F13A1: variants seen among roughly 807,000 people sequenced by gnomAD.
The protein encoded by F13A1 is coagulation factor XIII A chain, also known as FSF, A subunit.
In F13A1, 47 loss-of-function variants were observed where a neutral mutation model predicts 80.1. That is an observed-to-expected ratio of 0.59 (90% CI 0.46 to 0.75). The LOEUF is 0.75. Ranked by LOEUF, F13A1 falls within the 30% of genes least tolerant of loss-of-function variation. The probability of loss-of-function intolerance (pLI) is 0.00; values close to 1 mark genes in which losing one functional copy is unlikely to be tolerated. For synonymous variants in F13A1, 349 were observed against 344.9 expected (o/e 1.01, Z -0.13); for missense variants, 817 against 930.4 (o/e 0.88, Z 1.59).
intron 4 of F13A1, among the ~76,000 whole-genome samples, chr6:6,256,385 A>C (rs1194874116): frequency 6.6e-6 from 1 of 152,158 alleles, no homozygotes. Flanking sequence ...GACAACCACC[A>C]TTACGATAAA....
intron 10 of F13A1, among the ~76,000 whole-genome samples, chr6:6,190,887 G>A (rs113429773): frequency 0.18 from 26,904 of 151,278 alleles, 2,467 homozygotes; most frequent in Non-Finnish European, 0.19. Flanking sequence ...CTCCGTGGGC[G>A]TAGGACCCTC....
In F13A1 at chr6:6,266,701, A is replaced by G; in HGVS notation, c.428T>C (p.Val143Ala). The G allele has an allele frequency of 6.2e-7, 1 of 1,614,204 alleles. No homozygotes were observed. The highest frequency in any genetic ancestry group is 8.5e-7 in the Non-Finnish European group (1 of 1,180,032). The change falls in exon 4 of 15, where the codon GTG becomes GCG. Residue 143 changes from valine to alanine, a missense_variant. Transcript: ENST00000264870. ...AKIVMREDRS[V>A]RLSIQSSPKC... The stretch of plus-strand genomic sequence containing the variant: ...GGGGGAAGACTGGATGGACAGCCGC[A>G]CAGACCTGTCCTCTCTCATGACAAT...
At chr6:6,225,844 T>G (rs985844632) in intron 6 of F13A1, among the ~76,000 whole-genome samples, 2 of 152,208 alleles carry the variant, frequency 1.3e-5, no homozygotes, top group African/African-American at 4.8e-5. Flanking sequence ...TTAAGTATTC[T>G]TTCTTATGAT....
In F13A1 at chr6:6,224,425, A is replaced by G. The variant is rs149762533; in HGVS notation, c.973+261T>C. 2.0e-4 allele frequency among the ~76,000 whole-genome samples: 31 copies of G among 152,086 alleles called. 1 individual carries two copies. In the South Asian group the frequency reaches 3.5e-3, roughly 17 times the overall value. On this transcript the variant is annotated intron_variant, in intron 7 of 14. Coordinates refer to ENST00000264870, the MANE Select transcript of F13A1 (RefSeq NM_000129.4). Reference sequence around the variant, plus strand: ...CTCTATATTTTTACTGTAACCCTCTATTTCTTCGGGTGTTAAGTGATGGAT... The same window carrying G: ...CTCTATATTTTTACTGTAACCCTCTGTTTCTTCGGGTGTTAAGTGATGGAT...
chr6:6,274,263 T>C (rs1427565301), intron 3 of F13A1, among the ~76,000 whole-genome samples: 3 of 152,244 alleles, frequency 2.0e-5, no homozygotes, highest in African/African-American at 7.2e-5. Flanking sequence ...TGTTAAGGTG[T>C]CTTTTCTACC....
chr6:6,298,763 T>A (rs1322601712), intron 3 of F13A1, among the ~76,000 whole-genome samples: 3 of 149,774 alleles, frequency 2.0e-5, no homozygotes, highest in Admixed American at 2.0e-4. Context: ...AAGTTAATAT[T>A]GTTATGTGTG....
At chr6:6,261,466 T>C (rs763406611) in intron 4 of F13A1, among the ~76,000 whole-genome samples, 1 of 152,216 alleles carries the variant, frequency 6.6e-6, no homozygotes, top group Non-Finnish European at 1.5e-5. Flanking sequence ...CCGCTAAGTG[T>C]TGACCCCGAC....
chr6:6,251,321 A>G (rs1429869239), intron 4 of F13A1, among the ~76,000 whole-genome samples: 1 of 152,234 alleles, frequency 6.6e-6, no homozygotes, highest in African/African-American at 2.4e-5. Context: ...CATTAATAGA[A>G]AACTAGATGA....
At chr6:6,165,822 T>C (rs954471459) in intron 13 of F13A1, among the ~76,000 whole-genome samples, 1 of 152,254 alleles carries the variant, frequency 6.6e-6, no homozygotes, top group African/African-American at 2.4e-5. Context: ...TCCCTTTGCC[T>C]GCCAACCCTG....
At chr6:6,282,862 A>G (rs1273474837) in intron 3 of F13A1, among the ~76,000 whole-genome samples, 4 of 152,216 alleles carry the variant, frequency 2.6e-5, no homozygotes, top group African/African-American at 7.2e-5. Flanking sequence ...ACAGAGGGTC[A>G]TCTGAGGCCT....
intron 2 of F13A1, among the ~76,000 whole-genome samples, chr6:6,310,674 G>C (rs1429985611): frequency 1.3e-5 from 2 of 152,180 alleles, no homozygotes; most frequent in African/African-American, 4.8e-5. Context: ...TCTGCAAAAT[G>C]AAGTTGGTGT....
chr6:6,221,608 G>A (rs1283710488), intron 8 of F13A1, among the ~76,000 whole-genome samples: 1 of 152,038 alleles, frequency 6.6e-6, no homozygotes, highest in Non-Finnish European at 1.5e-5. Context: ...AAAAAGAACT[G>A]GATAAGATCA....
intron 3 of F13A1, among the ~76,000 whole-genome samples, chr6:6,290,650 A>G (rs1348627118): frequency 6.6e-6 from 1 of 152,212 alleles, no homozygotes; most frequent in Non-Finnish European, 1.5e-5. Context: ...AGAATCTCAC[A>G]TGACAGGTGT....
At chr6:6,217,452 C>G (rs1338464944) in intron 8 of F13A1, among the ~76,000 whole-genome samples, 1 of 146,776 alleles carries the variant, frequency 6.8e-6, no homozygotes, top group East Asian at 2.0e-4. Flanking sequence ...ACCGCATATT[C>G]TCACTCATAG....
chr6:6,182,412 G>T (rs1308942622), intron 10 of F13A1, among the ~76,000 whole-genome samples: 1 of 152,124 alleles, frequency 6.6e-6, no homozygotes, highest in East Asian at 1.9e-4. Flanking sequence ...CTCTGTCCTT[G>T]TGATAAGTCC....
chr6:6,206,514 C>A, intron 8 of F13A1: 1 of 478,012 alleles, frequency 2.1e-6, no homozygotes, highest in South Asian at 1.5e-5. Flanking sequence ...CCCCAAACTC[C>A]CCTTGGTTTA....
intron 10 of F13A1, among the ~76,000 whole-genome samples, chr6:6,184,541 A>C (rs1761043264): frequency 6.6e-6 from 1 of 152,128 alleles, no homozygotes; most frequent in Non-Finnish European, 1.5e-5. Context: ...CCTGTGGAAT[A>C]TTTGTCATTT....
rs775727745 is a variant in F13A1, at chr6:6,174,613, CCTT to C, written c.1711_1713del (p.Lys571del). The C allele has an allele frequency of 1.6e-5, 26 of 1,614,028 alleles. No individual in the cohort carries two copies. Among genetic ancestry groups the C allele is most frequent in the Non-Finnish European group, 2.1e-5 (25 of 1,180,032 alleles). On this transcript the variant is annotated inframe_deletion, in exon 12 of 15. Transcript: ENST00000264870. ...GGCTCCAGCGTCACGTCGAACGTCT[CCTT>C]CTTGAATTCTGCCTTCGGGACCCCG...
At chr6:6,181,333 C>T (rs549187346) in intron 11 of F13A1, among the ~76,000 whole-genome samples, 11 of 152,316 alleles carry the variant, frequency 7.2e-5, no homozygotes, top group Non-Finnish European at 1.2e-4. Flanking sequence ...CTGCTGGAAT[C>T]GCCAGCACCA....
Sources: allele counts gnomAD v4.1 joint callset (sites outside exome capture counted in the v4.1 genomes callset), GRCh38; gene constraint gnomAD v4.1.1; transcripts MANE v1.5; gene names NCBI Gene and HGNC (gene_info 2026-07-23, HGNC 2026-07-21).